Variants in BLCAP observed in about 807,000 individuals in gnomAD.
The protein encoded by BLCAP is BLCAP apoptosis inducing factor.
A neutral mutation model predicts 5.7 loss-of-function variants in BLCAP; 1 was observed. The observed-to-expected ratio is 0.18, with a 90% CI of 0.06 to 0.83. The LOEUF (loss-of-function observed/expected upper bound fraction) is 0.83, where lower values mean the gene tolerates loss of function less well. Ranked by LOEUF, BLCAP falls within the 40% of genes least tolerant of loss-of-function variation. The pLI, the probability that BLCAP is intolerant of heterozygous loss-of-function variation, is 0.71. For missense variants in BLCAP, 66 were observed against 107.6 expected (o/e 0.61, Z 1.71); for synonymous variants, 48 against 49.4 (o/e 0.97, Z 0.11).
Position 37,519,325 on chromosome 20 carries a change from C to T in BLCAP, c.-151G>A. ...GCCGCTGTGCTCTCTGGCTGTCAGC[C>T]CGGGATCACCAAGGCAGCAGGGATC... On this transcript the variant is annotated 5_prime_UTR_variant, in exon 2 of 2. Transcript: ENST00000373537. The T allele has an allele frequency of 3.5e-6, 3 of 861,772 alleles. No homozygotes were observed. The highest frequency in any genetic ancestry group is 5.1e-6 in the Non-Finnish European group (3 of 584,272). The allele number at this position is 861,772 out of a possible 1,614,324, so 53.4% of individuals were successfully genotyped here.
chr20:37,527,611 G>A (rs2071747228), intron 1 of BLCAP, 182 bp downstream of exon 1: 1 of 152,378 alleles, frequency 6.6e-6, no homozygotes, highest in Non-Finnish European at 1.5e-5. Context: ...GCCCAGGCTA[G>A]GTCCAATCAC....
chr20:37,522,377 T>C lies in BLCAP; in HGVS notation c.-176-3027A>G, dbSNP rs141483339. On this transcript the variant is annotated intron_variant, in intron 1 of 1. Coordinates refer to ENST00000373537, the MANE Select transcript of BLCAP (RefSeq NM_006698.4). ...TTCAAGGTGTTCCTGGAATGCTGCA[T>C]TTACTGGGTAGGATTCGCTTTTCGA... The C allele has an allele frequency of 3.1e-6, 5 of 1,613,806 alleles. No homozygotes were observed. The African/African-American group carries it at 4.0e-5, about 13-fold the overall frequency.
Position 37,518,788 on chromosome 20 carries a change from A to ATTTT in BLCAP, c.*122_*123insAAAA, listed in dbSNP as rs1302850723. 52 of 1,387,080 alleles carry ATTTT rather than the reference A, an allele frequency of 3.7e-5. No individual in the cohort carries two copies. The African/African-American group carries it at 4.3e-4, about 12-fold the overall frequency. The allele number at this position is 1,387,080 out of a possible 1,614,324, so 85.9% of individuals were successfully genotyped here. On this transcript the variant is annotated 3_prime_UTR_variant, in exon 2 of 2. Coordinates refer to ENST00000373537, the MANE Select transcript of BLCAP (RefSeq NM_006698.4). ...TAAGGATAAAACATCACAGGCCAAA[A>ATTTT]AGGCGCCGTCAGGAATGTGACACCC...
At chr20:37,525,758 G>A (rs1222320528) in intron 1 of BLCAP, among the ~76,000 whole-genome samples, 1 of 152,338 alleles carries the variant, frequency 6.6e-6, no homozygotes, top group Admixed American at 6.5e-5. Flanking sequence ...CTGATAGAGA[G>A]CAATGCGAAG....
At position 37,521,417 on chromosome 20, in the gene BLCAP, G is replaced by A. The variant is rs772850717; in HGVS notation, c.-176-2067C>T. 1 of 1,613,782 alleles carries A rather than the reference G, an allele frequency of 6.2e-7. No homozygotes were observed. Among genetic ancestry groups the A allele is most frequent in the Middle Eastern group, 1.6e-4 (1 of 6,062 alleles). On this transcript the variant is annotated intron_variant, in intron 1 of 1. Coordinates refer to ENST00000373537, the MANE Select transcript of BLCAP (RefSeq NM_006698.4). This position sits in a 1 kb window ranked among gnomAD's most constrained non-coding sequence, Gnocchi z 4.5. ...GTGCTGCTGCAGGTAAGTCTGACGG[G>A]GTTTCGGGTGGGAGAGGGTTCCCAA...
intron 1 of BLCAP, among the ~76,000 whole-genome samples, chr20:37,519,899 C>A (rs962412523): frequency 3.3e-5 from 5 of 152,242 alleles, no homozygotes; most frequent in African/African-American, 1.2e-4. Context: ...GGCAAAGGAT[C>A]CTGAGGCAGC....
chr20:37,521,388 C>T lies in BLCAP; in HGVS notation c.-176-2038G>A. On this transcript the variant is annotated intron_variant, in intron 1 of 1. Transcript: ENST00000373537. This position sits in a 1 kb window ranked among gnomAD's most constrained non-coding sequence, Gnocchi z 4.5. The stretch of plus-strand genomic sequence containing the variant: ...TGCTCATCATCGGCTGGTACATCTT[C>T]CGCGTGCTGCTGCAGGTAAGTCTGA... 6.2e-7 allele frequency: 1 copy of T among 1,614,134 alleles called. No homozygotes were observed.
rs1279399605 is a variant in BLCAP at position 37,521,495 on chromosome 20, C to T, written c.-176-2145G>A. The T allele has an allele frequency of 6.3e-6, 8 of 1,277,170 alleles. No individual in the cohort carries two copies. The highest frequency in any genetic ancestry group is 4.7e-5 in the East Asian group (2 of 42,948). 79.1% of individuals were successfully genotyped at this position (1,277,170 alleles called of 1,614,324 possible). A position where few individuals can be genotyped will look rare whatever the true frequency, so the allele number is the denominator to read the frequency against. ...CGTCGCGATTGCCGCTTCCCGGACCCGTCCTATTCCGATTGCCGCGATCCT... is the reference window on the plus strand; with the variant it reads ...CGTCGCGATTGCCGCTTCCCGGACCTGTCCTATTCCGATTGCCGCGATCCT... On this transcript the variant is annotated intron_variant, in intron 1 of 1. Coordinates refer to ENST00000373537, the MANE Select transcript of BLCAP (RefSeq NM_006698.4). The surrounding 1 kb of genome is among the most constrained non-coding windows in gnomAD (Gnocchi z 4.5).
In BLCAP at chr20:37,527,774, C is replaced by G. The variant is rs1161428883; in HGVS notation, c.-177+19G>C. ...GGAGGGCCTCTCATCCCGCCCCAAG[C>G]AGGTTGACGCCACGGTACCTGCAAG... On this transcript the variant is annotated intron_variant, in intron 1 of 1. Coordinates refer to ENST00000373537, the MANE Select transcript of BLCAP (RefSeq NM_006698.4). 1 of 152,260 alleles carries G rather than the reference C, an allele frequency of 6.6e-6. No individual in the cohort carries two copies. Among genetic ancestry groups the G allele is most frequent in the Non-Finnish European group, 1.5e-5 (1 of 68,092 alleles). 9.4% of individuals were successfully genotyped at this position (152,260 alleles called of 1,614,324 possible).
In BLCAP at chr20:37,521,291, A is replaced by C; in HGVS notation, c.-176-1941T>G. The C allele has an allele frequency of 6.2e-7, 1 of 1,607,532 alleles. No homozygotes were observed. The highest frequency in any genetic ancestry group is 8.5e-7 in the Non-Finnish European group (1 of 1,174,244). ...GACTCCGAGACCAGCGGATCTCGGC[A>C]AACCCTCTTTCTCGACCACCCACCT... is the stretch of plus-strand genomic sequence containing the variant. On this transcript the variant is annotated intron_variant, in intron 1 of 1. Transcript: ENST00000373537. The surrounding 1 kb of genome is among the most constrained non-coding windows in gnomAD (Gnocchi z 4.5).
At chr20:37,527,356 C>A (rs1601101966) in intron 1 of BLCAP, among the ~76,000 whole-genome samples, 2 of 149,458 alleles carry the variant, frequency 1.3e-5, no homozygotes, top group East Asian at 4.0e-4. Context: ...CACGTCCCCC[C>A]ACCTCCCCCC....
chr20:37,519,587 G>C (rs951062509), intron 1 of BLCAP, among the ~76,000 whole-genome samples: 1 of 152,206 alleles, frequency 6.6e-6, no homozygotes, highest in Non-Finnish European at 1.5e-5. Context: ...GTCTCCCCGG[G>C]GCTTCTCCTG....
chr20:37,522,454 G>T (rs1189828464), intron 1 of BLCAP: 2 of 1,610,088 alleles, frequency 1.2e-6, no homozygotes, highest in Non-Finnish European at 1.7e-6. Flanking sequence ...CCTAAGTTGT[G>T]GGTCCAATCA....
chr20:37,521,248 G>A lies in BLCAP; in HGVS notation c.-176-1898C>T. 2 of 1,424,446 alleles carry A rather than the reference G, an allele frequency of 1.4e-6. No homozygotes were observed. The highest frequency in any genetic ancestry group is 2.3e-5 in the East Asian group (1 of 43,612). 88.2% of individuals were successfully genotyped at this position (1,424,446 alleles called of 1,614,324 possible). On this transcript the variant is annotated intron_variant, in intron 1 of 1. Transcript: ENST00000373537. The surrounding 1 kb of genome is among the most constrained non-coding windows in gnomAD (Gnocchi z 4.5). ...TTAAGGCGCGGCCACCGCGGCTGCG[G>A]CAGTGCGCCCAACAGCGGACTCCGA...
rs1185493411 is a variant in BLCAP, at chr20:37,517,700, AAGC to A, written c.*1208_*1210del. 1 of 152,640 alleles carries A rather than the reference AAGC, an allele frequency of 6.6e-6. No individual in the cohort carries two copies. Among genetic ancestry groups the A allele is most frequent in the African/African-American group, 2.4e-5 (1 of 41,462 alleles). The allele number at this position is 152,640 out of a possible 1,614,324, so 9.5% of individuals were successfully genotyped here. On this transcript the variant is annotated 3_prime_UTR_variant, in exon 2 of 2. Transcript: ENST00000373537. ...AACACTTGTTACTGAAGCGCAGAAA[AAGC>A]AGCAAGTGACAGTCACAAAGTCTTC...
In BLCAP at chr20:37,518,992, G is replaced by A; in HGVS notation, c.183C>T (p.Cys61=). 1 of 1,614,210 alleles carries A rather than the reference G, an allele frequency of 6.2e-7. No homozygotes were observed. Among genetic ancestry groups the A allele is most frequent in the Non-Finnish European group, 8.5e-7 (1 of 1,180,028 alleles). Residue 61 remains cysteine, a synonymous_variant, in exon 2 of 2, where the codon TGC becomes TGT. Coordinates refer to ENST00000373537, the MANE Select transcript of BLCAP (RefSeq NM_006698.4). ...LAALFLICYS[C]WGNCFLYHCS... ...AGTGGTACAGGAAACAGTTTCCCCA[G>A]CAGCTATAGCAGATAAGGAACAGGG...
intron 1 of BLCAP, among the ~76,000 whole-genome samples, chr20:37,520,998 T>C (rs551410265): frequency 1.3e-5 from 2 of 152,248 alleles, no homozygotes; most frequent in South Asian, 2.1e-4. Context: ...CCCTGTACTC[T>C]ACCCAGAGTC....
rs1170136863 is a variant in BLCAP at position 37,527,844 on chromosome 20, G to C, written c.-228C>G. ...CCACTGTCGCCGTCTGCCGCAGCCT[G>C]CCTCCACCTCAGCTCGCCACCGACG... On this transcript the variant is annotated 5_prime_UTR_variant, in exon 1 of 2. Transcript: ENST00000373537. 6.6e-6 allele frequency: 1 copy of C among 152,650 alleles called. No individual in the cohort carries two copies. Among genetic ancestry groups the C allele is most frequent in the Non-Finnish European group, 1.5e-5 (1 of 68,370 alleles). 9.5% of individuals were successfully genotyped at this position (152,650 alleles called of 1,614,324 possible).
In BLCAP at chr20:37,521,961, A is replaced by G. The variant is rs935235331; in HGVS notation, c.-176-2611T>C. 3.3e-5 allele frequency among the ~76,000 whole-genome samples: 5 copies of G among 151,762 alleles called. No individual in the cohort carries two copies. The highest frequency in any genetic ancestry group is 1.2e-4 in the African/African-American group (5 of 41,390). ...AAAAAGTAGTTCACAGGAAAACAGA[A>G]AAACGCGCATTGCAGGAAAAATAAA... On this transcript the variant is annotated intron_variant, in intron 1 of 1. Coordinates refer to ENST00000373537, the MANE Select transcript of BLCAP (RefSeq NM_006698.4). This position sits in a 1 kb window ranked among gnomAD's most constrained non-coding sequence, Gnocchi z 4.5.
Sources: allele counts gnomAD v4.1 joint callset (sites outside exome capture counted in the v4.1 genomes callset), GRCh38; gene constraint gnomAD v4.1.1; non-coding constraint Gnocchi (gnomAD v3.1); transcripts MANE v1.5; gene names NCBI Gene and HGNC (gene_info 2026-07-23, HGNC 2026-07-21).